The following PTCHD4 variants were observed in gnomAD, a reference collection of about 807,000 sequenced individuals.
PTCHD4 encodes patched domain-containing protein 4.
Under a neutral mutation model 58.1 loss-of-function variants are expected in PTCHD4, and 33 were observed. That is an observed-to-expected ratio of 0.57 (90% CI 0.43 to 0.76). The LOEUF (loss-of-function observed/expected upper bound fraction) is 0.76. Among genes scored for constraint, PTCHD4 ranks in the 30% least tolerant of loss-of-function variants. PTCHD4 has a pLI of 0.00. For missense variants in PTCHD4, 1,058 were observed against 1,027.1 expected (o/e 1.03, Z -0.41); for synonymous variants, 478 against 409.6 (o/e 1.17, Z -2.02).
chr6:47,977,999 C>T (rs1382517283), intron 4 of PTCHD4, among the ~76,000 whole-genome samples: 2 of 152,302 alleles, frequency 1.3e-5, no homozygotes, highest in Admixed American at 6.5e-5. Flanking sequence ...ACCTAGGAAA[C>T]TTCCAACTCT....
intron 3 of PTCHD4, among the ~76,000 whole-genome samples, chr6:48,042,258 A>AG (rs1265500759): frequency 1.3e-5 from 2 of 152,022 alleles, no homozygotes; most frequent in African/African-American, 4.8e-5. Context: ...GCCCCCAAAC[A>AG]GGTGATTTCT....
chr6:47,971,488 G>A (rs1299616415), intron 4 of PTCHD4, among the ~76,000 whole-genome samples: 2 of 152,198 alleles, frequency 1.3e-5, no homozygotes, highest in African/African-American at 2.4e-5. Flanking sequence ...AGGTGGGAAA[G>A]AGTTACCTAT....
intron 1 of PTCHD4, among the ~76,000 whole-genome samples, chr6:48,107,903 A>G (rs1765769789): frequency 6.6e-6 from 1 of 152,246 alleles, no homozygotes; most frequent in South Asian, 2.1e-4. Flanking sequence ...ACAATGCGAT[A>G]CCATCTCACA....
chr6:47,980,256 C>G (rs1359407775), intron 4 of PTCHD4, among the ~76,000 whole-genome samples: 1 of 151,840 alleles, frequency 6.6e-6, no homozygotes, highest in African/African-American at 2.4e-5. Flanking sequence ...AATTCATGCA[C>G]TTTAGGCCAC....
intron 4 of PTCHD4, among the ~76,000 whole-genome samples, chr6:47,995,511 TCTCA>T (rs1156360420): frequency 6.6e-6 from 1 of 152,208 alleles, no homozygotes; most frequent in Admixed American, 6.5e-5. Context: ...AGACAGAGAT[TCTCA>T]CTCACTTATT....
At chr6:47,911,278 T>C (rs1765060201) in intron 4 of PTCHD4, among the ~76,000 whole-genome samples, 1 of 152,108 alleles carries the variant, frequency 6.6e-6, no homozygotes, top group South Asian at 2.1e-4. Context: ...GCATCTCCTC[T>C]AGATAAGCCA....
chr6:48,078,231 C>A (rs1301584337), intron 1 of PTCHD4, among the ~76,000 whole-genome samples: 1 of 152,176 alleles, frequency 6.6e-6, no homozygotes, highest in African/African-American at 2.4e-5. Flanking sequence ...CTCTGATTCC[C>A]TACTCAAGTC....
intron 4 of PTCHD4, among the ~76,000 whole-genome samples, chr6:47,966,394 G>A (rs1316938464): frequency 6.6e-6 from 1 of 152,196 alleles, no homozygotes; most frequent in Non-Finnish European, 1.5e-5. Flanking sequence ...TCTGAGCCTT[G>A]TGATTTATAA....
Position 47,871,644 on chromosome 6 carries a change from G to A in PTCHD4, c.*6659C>T, listed in dbSNP as rs936661335. Among the ~76,000 whole-genome samples, 1 of 151,604 alleles carries A rather than the reference G, an allele frequency of 6.6e-6. No homozygotes were observed. On this transcript the variant is annotated 3_prime_UTR_variant, in exon 5 of 5. Coordinates refer to ENST00000339488, the MANE Select transcript of PTCHD4 (RefSeq NM_001384253.1). Reference sequence around the variant, plus strand: ...TTGTCTAATTTGATAAAGTGAATGAGCATCAAGGAAAGGTGATAAATAATA... The same window carrying A: ...TTGTCTAATTTGATAAAGTGAATGAACATCAAGGAAAGGTGATAAATAATA...
chr6:48,103,042 A>G (rs1010846197), intron 1 of PTCHD4, among the ~76,000 whole-genome samples: 1 of 152,176 alleles, frequency 6.6e-6, no homozygotes, highest in African/African-American at 2.4e-5. Context: ...GCACAGACAA[A>G]CAAAAGACAG....
intron 1 of PTCHD4, among the ~76,000 whole-genome samples, chr6:48,104,828 A>G (rs1765685044): frequency 6.6e-6 from 1 of 152,196 alleles, no homozygotes. Flanking sequence ...CAGACTTTAA[A>G]CCAACAAAGA....
At position 48,111,161 on chromosome 6, in the gene PTCHD4, T is replaced by G. The variant is rs1389775178; in HGVS notation, c.-1082A>C. ...TTCTCTGCCATACTGTGGTTGGTAG[T>G]GGCTGCATCCCTCTACCGATGGCCA... is the stretch of plus-strand genomic sequence containing the variant. On this transcript the variant is annotated 5_prime_UTR_variant, in exon 1 of 5. Coordinates refer to ENST00000339488, the MANE Select transcript of PTCHD4 (RefSeq NM_001384253.1). Among the ~76,000 whole-genome samples the G allele has an allele frequency of 6.6e-6, 1 of 152,106 alleles. No individual in the cohort carries two copies. The highest frequency in any genetic ancestry group is 1.5e-5 in the Non-Finnish European group (1 of 68,016).
intron 3 of PTCHD4, among the ~76,000 whole-genome samples, chr6:48,065,748 A>G (rs1764772357): frequency 6.6e-6 from 1 of 152,202 alleles, no homozygotes; most frequent in South Asian, 2.1e-4. Flanking sequence ...CAAAAGCCCA[A>G]TTTACCCAAA....
chr6:47,938,214 C>G (rs906959226), intron 4 of PTCHD4, among the ~76,000 whole-genome samples: 1 of 152,038 alleles, frequency 6.6e-6, no homozygotes, highest in Non-Finnish European at 1.5e-5. Context: ...TAAGATGTTG[C>G]TAATAGGTCA....
intron 1 of PTCHD4, among the ~76,000 whole-genome samples, chr6:48,079,786 C>T (rs1163897834): frequency 6.6e-6 from 1 of 151,780 alleles, no homozygotes; most frequent in Non-Finnish European, 1.5e-5. Context: ...ACCTCTCCAC[C>T]TCCATGGCAA....
chr6:47,972,798 AT>A (rs918682890), intron 4 of PTCHD4, among the ~76,000 whole-genome samples: 1 of 151,986 alleles, frequency 6.6e-6, no homozygotes, highest in African/African-American at 2.4e-5. Flanking sequence ...GAGACTTGGA[AT>A]TATTTTTTAC....
chr6:47,903,848 C>A (rs890060171), intron 4 of PTCHD4, among the ~76,000 whole-genome samples: 1 of 152,102 alleles, frequency 6.6e-6, no homozygotes. Context: ...TTAGAAGCAT[C>A]TGGGGTGTGA....
At chr6:47,916,664 C>A (rs1162308909) in intron 4 of PTCHD4, among the ~76,000 whole-genome samples, 4 of 151,968 alleles carry the variant, frequency 2.6e-5, no homozygotes, top group African/African-American at 9.7e-5. Flanking sequence ...CACACACACA[C>A]AAACACACAC....
At chr6:47,970,414 G>T (rs900195744) in intron 4 of PTCHD4, among the ~76,000 whole-genome samples, 1 of 152,178 alleles carries the variant, frequency 6.6e-6, no homozygotes, top group African/African-American at 2.4e-5. Context: ...ATGTCAATAA[G>T]AATTCAAGTT....
Sources: allele counts gnomAD v4.1 joint callset (sites outside exome capture counted in the v4.1 genomes callset), GRCh38; gene constraint gnomAD v4.1.1; transcripts MANE v1.5; gene names NCBI Gene and HGNC (gene_info 2026-07-23, HGNC 2026-07-21).